The following PICALM variants were observed in gnomAD, a reference collection of about 807,000 sequenced individuals.
PICALM encodes the protein phosphatidylinositol-binding clathrin assembly protein.
In PICALM, 40 loss-of-function variants were observed where a neutral mutation model predicts 80.5. That is an observed-to-expected ratio of 0.50 (90% CI 0.39 to 0.65). PICALM has a LOEUF of 0.65. Ranked by LOEUF, PICALM falls within the 30% of genes least tolerant of loss-of-function variation. PICALM has a pLI of 0.00. For synonymous variants in PICALM, 288 were observed against 260.3 expected, an observed-to-expected ratio of 1.11 and a Z score of -1.02; for missense variants, 676 against 778.9, an observed-to-expected ratio of 0.87 and a Z score of 1.57.
chr11:86,025,965 C>T (rs953536866), intron 3 of PICALM, among the ~76,000 whole-genome samples: 2 of 152,092 alleles, frequency 1.3e-5, no homozygotes, highest in African/African-American at 2.4e-5. Flanking sequence ...CACTATTACT[C>T]GATTCTACTG....
chr11:86,067,712 AC>A (rs1481365272), intron 1 of PICALM, among the ~76,000 whole-genome samples: 1 of 152,174 alleles, frequency 6.6e-6, no homozygotes, highest in African/African-American at 2.4e-5. Flanking sequence ...TGGAATTCCA[AC>A]AGTCTACGCT....
At chr11:86,030,133 G>A (rs894344872) in intron 2 of PICALM, among the ~76,000 whole-genome samples, 6 of 152,126 alleles carry the variant, frequency 3.9e-5, no homozygotes, top group Admixed American at 1.3e-4. Context: ...ATACAACATG[G>A]CAATGCTGAT....
At position 86,010,907 on chromosome 11, in the gene PICALM, A is replaced by G; in HGVS notation, c.765+123T>C. On this transcript the variant is annotated intron_variant, in intron 7 of 19. Transcript: ENST00000393346. ...ATCTTGCCACAGAATTCAATACAGCATAATAATGATTGAATACTAAATTGA... is the reference window on the plus strand; with the variant it reads ...ATCTTGCCACAGAATTCAATACAGCGTAATAATGATTGAATACTAAATTGA... 3 of 642,518 alleles carry G rather than the reference A, an allele frequency of 4.7e-6. No homozygotes were observed. In the South Asian group the frequency reaches 5.5e-5, roughly 12 times the overall value. The allele number at this position is 642,518 out of a possible 1,614,324, so 39.8% of individuals were successfully genotyped here. A position where few individuals can be genotyped will look rare whatever the true frequency, so the allele number is the denominator to read the frequency against.
At chr11:85,959,159 G>T in intron 19 of PICALM, 99 bp from the exon 20 acceptor site, 1 of 726,556 alleles carries the variant, frequency 1.4e-6, no homozygotes, top group Non-Finnish European at 2.3e-6. Context: ...TGGCCCAGAA[G>T]TGTTCACAAC....
chr11:85,965,696 T>C (rs1182527647), intron 19 of PICALM, among the ~76,000 whole-genome samples: 1 of 152,126 alleles, frequency 6.6e-6, no homozygotes, highest in Non-Finnish European at 1.5e-5. Flanking sequence ...CACAAATAAT[T>C]GCTTCTTGTG....
At chr11:85,980,897 A>G (rs778845637) in intron 17 of PICALM, among the ~76,000 whole-genome samples, 5 of 151,794 alleles carry the variant, frequency 3.3e-5, no homozygotes, top group Non-Finnish European at 5.9e-5. Flanking sequence ...ATAAAACATT[A>G]TTATTTACTG....
rs150154152 is a variant in PICALM, at chr11:86,003,191, T to C, written c.893+175A>G. Among the ~76,000 whole-genome samples the C allele has an allele frequency of 1.8e-4, 27 of 152,352 alleles. No individual in the cohort carries two copies. The East Asian group carries it at 5.2e-3, about 29-fold the overall frequency. On this transcript the variant is annotated intron_variant, in intron 9 of 19. Coordinates refer to ENST00000393346, the MANE Select transcript of PICALM (RefSeq NM_007166.4). ...AGAAACAATTTCAAGAATTTGCATG[T>C]ATTAATCCATTTAATCCTAATACTA... is the stretch of plus-strand genomic sequence containing the variant.
At chr11:85,990,225 A>G in intron 13 of PICALM, 25 bp downstream of exon 13, 2 of 1,436,096 alleles carry the variant, frequency 1.4e-6, no homozygotes, top group Non-Finnish European at 1.9e-6. Context: ...CATTGATTGG[A>G]AAAAAAGGTT....
At chr11:85,975,911 A>T (rs906307339) in intron 18 of PICALM, among the ~76,000 whole-genome samples, 3 of 152,062 alleles carry the variant, frequency 2.0e-5, no homozygotes, top group Non-Finnish European at 4.4e-5. Context: ...CAGACATTTT[A>T]ATGCAATGAC....
chr11:86,062,563 A>C (rs2096385226), intron 1 of PICALM, among the ~76,000 whole-genome samples: 1 of 152,102 alleles, frequency 6.6e-6, no homozygotes, highest in Admixed American at 6.5e-5. Context: ...TTGGGTGGTA[A>C]AGATGTCTGA....
intron 13 of PICALM, among the ~76,000 whole-genome samples, chr11:85,989,807 A>G (rs994687531): frequency 1.3e-5 from 2 of 152,146 alleles, no homozygotes; most frequent in Non-Finnish European, 2.9e-5. Flanking sequence ...CAGTTAAAAG[A>G]GAAATAAAAT....
intron 8 of PICALM, 84 bp downstream of exon 8, chr11:86,007,458 T>C (rs2095302269): frequency 3.9e-6 from 3 of 775,774 alleles, no homozygotes; most frequent in Non-Finnish European, 6.9e-6. Flanking sequence ...CCTTTGACAA[T>C]GGGGGCTATA....
chr11:85,974,478 T>A (rs534362699), intron 19 of PICALM: 1 of 638,022 alleles, frequency 1.6e-6, no homozygotes, highest in Non-Finnish European at 3.0e-6. Context: ...CTACCAACTA[T>A]AAGTTACCAA....
At chr11:85,962,622 A>C (rs959203201) in intron 19 of PICALM, among the ~76,000 whole-genome samples, 5 of 152,226 alleles carry the variant, frequency 3.3e-5, no homozygotes, top group Middle Eastern at 3.2e-3. Flanking sequence ...TTCCTTGAGA[A>C]AAAGAGCTGG....
chr11:86,061,330 CAAAAAAAAAAAAAAA>C (rs58836221), intron 1 of PICALM, among the ~76,000 whole-genome samples: 1 of 81,176 alleles, frequency 1.2e-5, no homozygotes, highest in East Asian at 3.2e-4. Flanking sequence ...GACTCCATCT[CAAAAAAAAAAAAAAA>C]AAAAAAAAAA....
chr11:85,977,945 A>C, intron 17 of PICALM: 1 of 766,878 alleles, frequency 1.3e-6, no homozygotes, highest in Non-Finnish European at 2.3e-6. Flanking sequence ...GCTAGGAAGA[A>C]TTTCTGGCAC....
intron 1 of PICALM, among the ~76,000 whole-genome samples, chr11:86,063,917 G>C (rs1593538414): frequency 6.6e-6 from 1 of 150,846 alleles, no homozygotes; most frequent in South Asian, 2.1e-4. Flanking sequence ...TTAAATAAAA[G>C]ATATCCTGGG....
intron 8 of PICALM, among the ~76,000 whole-genome samples, chr11:86,005,459 G>A (rs926900413): frequency 3.9e-5 from 6 of 152,040 alleles, no homozygotes; most frequent in Non-Finnish European, 8.8e-5. Flanking sequence ...CAAAACTTTC[G>A]GAAGTAGATA....
At chr11:86,020,060 T>C (rs935392815) in intron 4 of PICALM, among the ~76,000 whole-genome samples, 8 of 152,184 alleles carry the variant, frequency 5.3e-5, no homozygotes, top group African/African-American at 1.9e-4. Flanking sequence ...AAAATCTGCA[T>C]ATCAGGTGTT....
Sources: gnomAD v4.1 joint callset for allele counts (sites outside exome capture counted in the v4.1 genomes callset) on GRCh38, gnomAD v4.1.1 for gene constraint, MANE v1.5 for transcripts, NCBI Gene and HGNC (gene_info 2026-07-23, HGNC 2026-07-21) for gene names.